KMT2C: variants seen among roughly 807,000 people sequenced by gnomAD.
The protein encoded by KMT2C is lysine methyltransferase 2C.
A neutral mutation model predicts 507.9 loss-of-function variants in KMT2C; 88 were observed. The ratio of observed to expected loss-of-function variants is 0.17; its 90% CI spans 0.15 to 0.21. KMT2C has a LOEUF of 0.21. Ranked by LOEUF, KMT2C falls within the 10% of genes least tolerant of loss-of-function variation. The probability of loss-of-function intolerance (pLI) is 1.00; values close to 1 mark genes in which losing one functional copy is unlikely to be tolerated. For missense variants in KMT2C, 4,954 were observed against 5,957.8 expected (o/e 0.83, Z 5.55); for synonymous variants, 2,049 against 2,080.8 (o/e 0.98, Z 0.42).
chr7:152,186,339 A>G (rs2093626448), intron 33 of KMT2C, among the ~76,000 whole-genome samples: 1 of 152,230 alleles, frequency 6.6e-6, no homozygotes, highest in African/African-American at 2.4e-5. Flanking sequence ...TGCTGTAAGG[A>G]CAATTTGTGC....
intron 23 of KMT2C, among the ~76,000 whole-genome samples, chr7:152,219,480 G>C (rs1482598895): frequency 6.6e-6 from 1 of 151,672 alleles, no homozygotes; most frequent in Non-Finnish European, 1.5e-5. Context: ...CTGCAGTGGC[G>C]CATGCCTATA....
At chr7:152,376,485 T>A (rs113469484) in intron 1 of KMT2C, among the ~76,000 whole-genome samples, 1 of 152,200 alleles carries the variant, frequency 6.6e-6, no homozygotes. Context: ...AAAAGCACTA[T>A]GTCAGTGAAC....
Position 152,180,742 on chromosome 7 carries a change from A to C in KMT2C, c.7118T>G (p.Met2373Arg). Residue 2373 changes from methionine to arginine, a missense_variant, in exon 36 of 59, where the codon ATG (methionine) becomes AGG (arginine). Met to Arg is a moderately conservative substitution (Grantham distance 91, BLOSUM62 -1). Around this residue, in one of 29 missense-constraint regions of KMT2C, gnomAD observed 1,689 missense variants for 1,654.3 expected, o/e 1.02. Transcript: ENST00000262189. ...GVTDTQNTVNMAQADTEKLRQ... is the reference protein window; with the variant it reads ...GVTDTQNTVNRAQADTEKLRQ... ...CAATTTCTCTGTATCTGCTTGGGCC[A>C]TATTTACAGTATTCTGTGTATCAGT... The C allele has an allele frequency of 6.2e-7, 1 of 1,613,876 alleles. No individual in the cohort carries two copies. The highest frequency in any genetic ancestry group is 8.5e-7 in the Non-Finnish European group (1 of 1,179,888).
intron 1 of KMT2C, among the ~76,000 whole-genome samples, chr7:152,400,883 CA>C (rs2097568406): frequency 1.1e-5 from 1 of 94,316 alleles, no homozygotes; most frequent in Non-Finnish European, 2.0e-5. Flanking sequence ...TAAGGGAAAG[CA>C]GGGGAGGGTG....
At chr7:152,299,074 C>T (rs1043877865) in intron 6 of KMT2C, among the ~76,000 whole-genome samples, 3 of 152,146 alleles carry the variant, frequency 2.0e-5, no homozygotes, top group Non-Finnish European at 4.4e-5. Flanking sequence ...AATCCCAGCA[C>T]TTTGGGAGGC....
At chr7:152,183,622 C>G (rs946623039) in intron 34 of KMT2C, among the ~76,000 whole-genome samples, 2 of 151,966 alleles carry the variant, frequency 1.3e-5, no homozygotes, top group African/African-American at 4.8e-5. Flanking sequence ...TTAGGCCAGG[C>G]GCAGTGGCTC....
Position 152,151,375 on chromosome 7 carries a change from A to G in KMT2C, c.12666+67T>C, listed in dbSNP as rs547983938. 2.0e-6 allele frequency: 3 copies of G among 1,529,520 alleles called. No individual in the cohort carries two copies. The South Asian group carries it at 3.5e-5, about 18-fold the overall frequency. The allele number at this position is 1,529,520 out of a possible 1,614,324, so 94.7% of individuals were successfully genotyped here. A position where few individuals can be genotyped will look rare whatever the true frequency, so the allele number is the denominator to read the frequency against. ...AGTGGTGTCTCTCTCTGATGTTGGAAGAGACACTGCCAAGGACATTTTCGC... is the reference window on the plus strand; with the variant it reads ...AGTGGTGTCTCTCTCTGATGTTGGAGGAGACACTGCCAAGGACATTTTCGC... On this transcript the variant is annotated intron_variant, in intron 50 of 58. Transcript: ENST00000262189.
intron 2 of KMT2C, among the ~76,000 whole-genome samples, chr7:152,356,777 A>C (rs1323701734): frequency 6.7e-6 from 1 of 149,794 alleles, no homozygotes; most frequent in Non-Finnish European, 1.5e-5. Flanking sequence ...ATAGTCCCAG[A>C]CCAGGAGGGA....
chr7:152,172,931 AT>A (rs1210450343), intron 39 of KMT2C, among the ~76,000 whole-genome samples: 2 of 152,176 alleles, frequency 1.3e-5, no homozygotes, highest in African/African-American at 4.8e-5. Flanking sequence ...ATTTAATTAT[AT>A]TTTAATAACT....
intron 1 of KMT2C, among the ~76,000 whole-genome samples, chr7:152,399,714 G>GT (rs1193098003): frequency 2.0e-5 from 3 of 151,778 alleles, no homozygotes; most frequent in Non-Finnish European, 4.4e-5. Flanking sequence ...GAGTTGACAG[G>GT]TAAGAGGGAG....
chr7:152,252,128 A>T (rs1209731389), intron 10 of KMT2C, 38 bp from the exon 11 acceptor site: 2 of 1,475,524 alleles, frequency 1.4e-6, no homozygotes, highest in Non-Finnish European at 1.8e-6. Context: ...AATTTCTAAC[A>T]TCGAGTTATT....
At chr7:152,432,316 T>A (rs2097870065) in intron 1 of KMT2C, among the ~76,000 whole-genome samples, 1 of 152,186 alleles carries the variant, frequency 6.6e-6, no homozygotes, top group African/African-American at 2.4e-5. Flanking sequence ...GTAATGTGAA[T>A]TTACAGTGTA....
In KMT2C at chr7:152,152,749, T is replaced by G. The variant is rs755361475; in HGVS notation, c.12482A>C (p.Tyr4161Ser). The change falls in exon 49 of 59, where the codon TAC becomes TCC. Residue 4161 changes from tyrosine to serine, a missense_variant. Around this residue, in one of 29 missense-constraint regions of KMT2C, gnomAD observed 417 missense variants for 461.1 expected, o/e 0.90. Transcript: ENST00000262189. ...SANPPRLVSSYRLKQPNVPFP... is the reference protein window; with the variant it reads ...SANPPRLVSSSRLKQPNVPFP... ...TGGTACATTAGGCTGCTTCAGCCGG[T>G]AAGAGCTCACTAATCTGGGAGGGTT... The G allele has an allele frequency of 9.3e-6, 15 of 1,614,082 alleles. No individual in the cohort carries two copies. The East Asian group carries it at 3.3e-4, about 36-fold the overall frequency.
Position 152,401,143 on chromosome 7 carries a change from T to C in KMT2C, c.161+34483A>G, listed in dbSNP as rs534569619. Among the ~76,000 whole-genome samples, 441 of 150,714 alleles carry C rather than the reference T, an allele frequency of 2.9e-3. 1 individual carries two copies. The highest frequency in any genetic ancestry group is 5.3e-3 in the Non-Finnish European group (357 of 67,770). On this transcript the variant is annotated intron_variant, in intron 1 of 58. Coordinates refer to ENST00000262189, the MANE Select transcript of KMT2C (RefSeq NM_170606.3). ...CTCTGTCACCCAGGCTGGAGTGCAA[T>C]GGCACCATCTCGGCTCACTGCAACC...
intron 26 of KMT2C, among the ~76,000 whole-genome samples, chr7:152,200,640 G>C (rs1464612854): frequency 1.3e-5 from 2 of 152,132 alleles, no homozygotes; most frequent in African/African-American, 4.8e-5. Context: ...TGAGGCACGA[G>C]AATCACTTGA....
At chr7:152,205,925 T>G (rs1309236300) in intron 24 of KMT2C, among the ~76,000 whole-genome samples, 1 of 152,134 alleles carries the variant, frequency 6.6e-6, no homozygotes, top group Non-Finnish European at 1.5e-5. Flanking sequence ...ACAAATATTC[T>G]TTGACTGATA....
At position 152,154,378 on chromosome 7, in the gene KMT2C, C is replaced by T. The variant is rs1201246521; in HGVS notation, c.12028G>A (p.Val4010Met). Residue 4010 changes from valine to methionine, a missense_variant, in exon 47 of 59, where the codon GTG becomes ATG. By Grantham distance (21) the Val-to-Met change is conservative. Around this residue, in one of 29 missense-constraint regions of KMT2C, gnomAD observed 6 missense variants for 23.3 expected, o/e 0.26. Coordinates refer to ENST00000262189, the MANE Select transcript of KMT2C (RefSeq NM_170606.3). ...TACCTGCTCACTTCTACCCCAACCA[C>T]ACTCTCAGGAGAGGATGAGGGAACA... is the stretch of plus-strand genomic sequence containing the variant. ...SFVPSSSPES[V>M]VGVEVSRYPD... 1 of 1,614,176 alleles carries T rather than the reference C, an allele frequency of 6.2e-7. No homozygotes were observed. Among genetic ancestry groups the T allele is most frequent in the Non-Finnish European group, 8.5e-7 (1 of 1,180,012 alleles).
At chr7:152,211,406 A>T (rs1218261347) in intron 23 of KMT2C, among the ~76,000 whole-genome samples, 1 of 152,218 alleles carries the variant, frequency 6.6e-6, no homozygotes, top group African/African-American at 2.4e-5. Flanking sequence ...AAATTCATGA[A>T]ATTGCAGAAA....
At chr7:152,249,802 C>A (rs201214561) in intron 13 of KMT2C, 74 bp downstream of exon 13, 7 of 864,870 alleles carry the variant, frequency 8.1e-6, no homozygotes, top group African/African-American at 5.1e-5. Context: ...ATACAGCAAT[C>A]GCAAAAATGT....
Sources: gnomAD v4.1 joint callset for allele counts (sites outside exome capture counted in the v4.1 genomes callset) on GRCh38, gnomAD v4.1.1 for gene constraint, gnomAD v4.1.1 regional missense constraint, MANE v1.5 for transcripts, NCBI Gene and HGNC (gene_info 2026-07-23, HGNC 2026-07-21) for gene names.